Variants in GRM5 observed in about 807,000 individuals in gnomAD.
GRM5 encodes the protein glutamate metabotropic receptor 5.
GRM5 carries 19 observed loss-of-function variants against 83.1 expected under a neutral mutation model. That is an observed-to-expected ratio of 0.23 (90% confidence interval 0.16 to 0.34). The LOEUF is 0.34. GRM5 is among the 10% of genes least tolerant of loss of function. The probability of loss-of-function intolerance (pLI) is 1.00; values close to 1 mark genes in which losing one functional copy is unlikely to be tolerated. For synonymous variants in GRM5, 675 were observed against 633.6 expected (o/e 1.07, Z -0.98); for missense variants, 1,160 against 1,588.3 (o/e 0.73, Z 4.58).
intron 2 of GRM5, among the ~76,000 whole-genome samples, chr11:88,867,903 T>G (rs1196219107): frequency 2.0e-5 from 3 of 151,912 alleles, no homozygotes; most frequent in Non-Finnish European, 2.9e-5. Flanking sequence ...CTAACTAATA[T>G]AGTCCTCTGC....
chr11:88,561,918 T>C (rs1942765259), intron 8 of GRM5, among the ~76,000 whole-genome samples: 1 of 152,096 alleles, frequency 6.6e-6, no homozygotes, highest in Non-Finnish European at 1.5e-5. Context: ...TGTTGTCTCC[T>C]TAGGTGCTCA....
chr11:88,798,464 A>T (rs1943324161), intron 3 of GRM5, among the ~76,000 whole-genome samples: 1 of 152,146 alleles, frequency 6.6e-6, no homozygotes, highest in Non-Finnish European at 1.5e-5. Context: ...TAATACATCA[A>T]GGAAATTCTA....
intron 8 of GRM5, among the ~76,000 whole-genome samples, chr11:88,565,973 G>A (rs1591352782): frequency 6.6e-6 from 1 of 152,172 alleles, no homozygotes; most frequent in African/African-American, 2.4e-5. Flanking sequence ...ATTTAGGGCT[G>A]ACAGAAAAGT....
Position 88,705,500 on chromosome 11 carries a change from A to G in GRM5, c.912-52097T>C, listed in dbSNP as rs186128442. 1.4e-4 allele frequency among the ~76,000 whole-genome samples: 22 copies of G among 152,156 alleles called. No homozygotes were observed. The East Asian group carries it at 3.9e-3, about 27-fold the overall frequency. On this transcript the variant is annotated intron_variant, in intron 3 of 9. Transcript: ENST00000305447. ...TTCATCCCCACACCTTATTTTGGTT[A>G]ATTAGCTTTTGTGGTGAGGATGCAC...
At chr11:88,815,602 C>A (rs1418982542) in intron 3 of GRM5, among the ~76,000 whole-genome samples, 1 of 152,142 alleles carries the variant, frequency 6.6e-6, no homozygotes, top group Non-Finnish European at 1.5e-5. Context: ...AGGCTGATTT[C>A]ACTTATTGTG....
chr11:88,509,112 G>T lies in GRM5; in HGVS notation c.3119C>A (p.Pro1040Gln). ...GSASRTDDDV[P>Q]SLHSEPVARS... is the part of the protein sequence containing the mutation. ...CGCCACAGGCTCCGAGTGCAGCGACGGCACATCGTCGTCCGTGCGGCTGGC... is the reference window on the plus strand; with the variant it reads ...CGCCACAGGCTCCGAGTGCAGCGACTGCACATCGTCGTCCGTGCGGCTGGC... The change falls in exon 10 of 10, where the codon CCG becomes CAG. Residue 1040 changes from proline to glutamine, a missense_variant. Coordinates refer to ENST00000305447, the MANE Select transcript of GRM5 (RefSeq NM_001143831.3). The T allele has an allele frequency of 1.3e-6, 2 of 1,546,272 alleles. No homozygotes were observed. Among genetic ancestry groups the T allele is most frequent in the South Asian group, 1.2e-5 (1 of 83,950 alleles).
intron 2 of GRM5, among the ~76,000 whole-genome samples, chr11:88,919,347 ATAACAATTTTAAATATATATGCGCC>A (rs1421899529): frequency 6.1e-5 from 9 of 148,646 alleles, no homozygotes; most frequent in African/African-American, 1.7e-4. Flanking sequence ...GCAAGTGGAT[ATAACAATTTTAAATATATATGCGCC>A]TAACACTAGA....
At chr11:88,550,379 T>G (rs1942478428) in intron 8 of GRM5, among the ~76,000 whole-genome samples, 1 of 152,162 alleles carries the variant, frequency 6.6e-6, no homozygotes, top group Non-Finnish European at 1.5e-5. Flanking sequence ...TAGTTTTCAT[T>G]TGAAGAAAGG....
Position 88,973,802 on chromosome 11 carries a change from G to C in GRM5, c.661+73410C>G, listed in dbSNP as rs537360131. Reference sequence around the variant, plus strand: ...CTTACTCTTAACATTTTTGAAACAAGAGAAATGTTAACAAGGAAATCTGGG... The same window carrying C: ...CTTACTCTTAACATTTTTGAAACAACAGAAATGTTAACAAGGAAATCTGGG... On this transcript the variant is annotated intron_variant, in intron 2 of 9. Coordinates refer to ENST00000305447, the MANE Select transcript of GRM5 (RefSeq NM_001143831.3). Among the ~76,000 whole-genome samples, 306 of 152,194 alleles carry C rather than the reference G, an allele frequency of 2.0e-3. 2 individuals carry two copies. Among genetic ancestry groups the C allele is most frequent in the Non-Finnish European group, 3.4e-3 (234 of 67,996 alleles).
At chr11:88,593,504 C>T (rs1176965843) in intron 6 of GRM5, among the ~76,000 whole-genome samples, 1 of 151,642 alleles carries the variant, frequency 6.6e-6, no homozygotes, top group Non-Finnish European at 1.5e-5. Flanking sequence ...GGTGAAACCC[C>T]GCCTCTACTA....
intron 3 of GRM5, among the ~76,000 whole-genome samples, chr11:88,679,630 G>T (rs1436792502): frequency 6.6e-6 from 1 of 151,894 alleles, no homozygotes; most frequent in Admixed American, 6.6e-5. Flanking sequence ...TAATATCCTG[G>T]GGCTCAAATA....
chr11:88,790,772 G>A (rs1370613222), intron 3 of GRM5, among the ~76,000 whole-genome samples: 5 of 152,276 alleles, frequency 3.3e-5, no homozygotes, highest in East Asian at 1.9e-4. Flanking sequence ...CTGTAGTTTG[G>A]AAAGGTAAAT....
At chr11:88,982,718 G>C (rs552874343) in intron 2 of GRM5, among the ~76,000 whole-genome samples, 7 of 152,166 alleles carry the variant, frequency 4.6e-5, no homozygotes, top group Admixed American at 4.6e-4. Flanking sequence ...ACAAATTATA[G>C]AGGAATATTA....
At chr11:88,595,782 C>T (rs1053416859) in intron 6 of GRM5, among the ~76,000 whole-genome samples, 4 of 152,272 alleles carry the variant, frequency 2.6e-5, no homozygotes, top group Admixed American at 6.5e-5. Context: ...TCTTATGTGA[C>T]AGTGTGCTCT....
intron 4 of GRM5, among the ~76,000 whole-genome samples, chr11:88,651,176 A>C (rs1939621865): frequency 6.6e-6 from 1 of 152,070 alleles, no homozygotes; most frequent in East Asian, 1.9e-4. Context: ...TTTTCATGGA[A>C]ATCAAGTAAA....
At chr11:88,949,453 T>G (rs1938385712) in intron 2 of GRM5, among the ~76,000 whole-genome samples, 1 of 152,222 alleles carries the variant, frequency 6.6e-6, no homozygotes, top group Admixed American at 6.5e-5. Flanking sequence ...ACAGTAGGTA[T>G]ACTAAATATT....
chr11:88,542,359 A>G (rs1340409030), intron 8 of GRM5, among the ~76,000 whole-genome samples: 1 of 123,956 alleles, frequency 8.1e-6, no homozygotes, highest in Non-Finnish European at 1.9e-5. Context: ...ATGGCTAAAA[A>G]GGAAAAAACA....
At chr11:88,682,855 T>C (rs1940529025) in intron 3 of GRM5, among the ~76,000 whole-genome samples, 2 of 152,126 alleles carry the variant, frequency 1.3e-5, no homozygotes, top group Admixed American at 6.5e-5. Context: ...ACCTTCATTC[T>C]TTCTTTTTTT....
intron 8 of GRM5, among the ~76,000 whole-genome samples, chr11:88,542,758 A>G (rs1042075737): frequency 6.6e-6 from 1 of 152,196 alleles, no homozygotes; most frequent in African/African-American, 2.4e-5. Context: ...AATAGAGCAC[A>G]CTAAACTCAT....
Sources: gnomAD v4.1 joint callset for allele counts (sites outside exome capture counted in the v4.1 genomes callset) on GRCh38, gnomAD v4.1.1 for gene constraint, MANE v1.5 for transcripts, NCBI Gene and HGNC (gene_info 2026-07-23, HGNC 2026-07-21) for gene names.